The following SKI variants were observed in gnomAD, a reference collection of about 807,000 sequenced individuals.
SKI encodes the protein ski oncogene.
A neutral mutation model predicts 59.3 loss-of-function variants in SKI; 23 were observed. The observed-to-expected ratio is 0.39, with a 90% CI of 0.28 to 0.55. SKI has a LOEUF of 0.55. Ranked by LOEUF, SKI falls within the 20% of genes least tolerant of loss-of-function variation. The pLI is 0.67. For missense variants in SKI, 1,017 were observed against 1,038.9 expected (o/e 0.98, Z 0.29); for synonymous variants, 673 against 488.6 (o/e 1.38, Z -4.98).
intron 1 of SKI, among the ~76,000 whole-genome samples, chr1:2,254,974 G>A (rs2100829352): frequency 6.6e-6 from 1 of 152,296 alleles, no homozygotes; most frequent in African/African-American, 2.4e-5. Context: ...CTGCCCCACA[G>A]TGTCACCTCT....
At chr1:2,282,630 T>C (rs1319976587) in intron 1 of SKI, among the ~76,000 whole-genome samples, 5 of 152,182 alleles carry the variant, frequency 3.3e-5, no homozygotes, top group Non-Finnish European at 5.9e-5. Context: ...TGGAAAGCCT[T>C]GCTTCCCCCA....
chr1:2,233,920 C>T (rs897063045), intron 1 of SKI, among the ~76,000 whole-genome samples: 5 of 152,358 alleles, frequency 3.3e-5, no homozygotes, highest in Non-Finnish European at 2.9e-5. Context: ...CTCTCCCAGA[C>T]ACCCTCAGGT....
chr1:2,245,626 C>T (rs1638976900), intron 1 of SKI, among the ~76,000 whole-genome samples: 1 of 151,920 alleles, frequency 6.6e-6, no homozygotes, highest in African/African-American at 2.4e-5. Flanking sequence ...AAGGCATGTG[C>T]CACCATGCCC....
At chr1:2,289,354 C>T (rs1640112191) in intron 1 of SKI, among the ~76,000 whole-genome samples, 2 of 152,098 alleles carry the variant, frequency 1.3e-5, no homozygotes, top group South Asian at 2.1e-4. Flanking sequence ...CCATTACAGG[C>T]CACCTCTCCT....
intron 1 of SKI, among the ~76,000 whole-genome samples, chr1:2,237,057 CCCCAGGA>C (rs1371475526): frequency 6.6e-6 from 1 of 152,176 alleles, no homozygotes; most frequent in African/African-American, 2.4e-5. Flanking sequence ...GAGGGTTCCA[CCCCAGGA>C]CCCAGGGCAC....
intron 1 of SKI, among the ~76,000 whole-genome samples, chr1:2,246,860 G>GT (rs1491537317): frequency 1.3e-5 from 2 of 150,802 alleles, no homozygotes; most frequent in East Asian, 2.0e-4. Flanking sequence ...TGATGGGGGG[G>GT]GCCTCAGGAA....
At position 2,267,169 on chromosome 1, in the gene SKI, C is replaced by T. The variant is rs1367370409; in HGVS notation, c.970-35809C>T. On this transcript the variant is annotated intron_variant, in intron 1 of 6. Coordinates refer to ENST00000378536, the MANE Select transcript of SKI (RefSeq NM_003036.4). The surrounding 1 kb of genome is among the most constrained non-coding windows in gnomAD (Gnocchi z 4.1). ...TGACTATTCAGGCGAGCAACTGCAT[C>T]GAGCCAGCACTGAACTGGTTTTGTA... Among the ~76,000 whole-genome samples the T allele has an allele frequency of 1.3e-5, 2 of 152,166 alleles. No individual in the cohort carries two copies. The highest frequency in any genetic ancestry group is 2.1e-4 in the South Asian group (1 of 4,824).
Position 2,304,288 on chromosome 1 carries a change from C to T in SKI, c.1475-5C>T, listed in dbSNP as rs1640509294. ...ACTTTGTTTCTGTCTCTGCTTCCTCCTCAGTCACCTCCTCCTTGTCCTCGC... is the reference window on the plus strand; with the variant it reads ...ACTTTGTTTCTGTCTCTGCTTCCTCTTCAGTCACCTCCTCCTTGTCCTCGC... On this transcript the variant is annotated splice_polypyrimidine_tract_variant and splice_region_variant and intron_variant, in intron 4 of 6. Coordinates refer to ENST00000378536, the MANE Select transcript of SKI (RefSeq NM_003036.4). The T allele has an allele frequency of 6.4e-7, 1 of 1,551,594 alleles. No homozygotes were observed. Among genetic ancestry groups the T allele is most frequent in the Non-Finnish European group, 8.7e-7 (1 of 1,146,940 alleles).
chr1:2,265,240 G>A (rs180931805), intron 1 of SKI, among the ~76,000 whole-genome samples: 27 of 152,292 alleles, frequency 1.8e-4, no homozygotes, highest in Admixed American at 6.5e-4. Context: ...TGTCTCCTGC[G>A]TCCCTCCTCT....
intron 1 of SKI, among the ~76,000 whole-genome samples, chr1:2,263,626 A>G (rs1331289121): frequency 2.0e-5 from 3 of 151,866 alleles, no homozygotes; most frequent in Middle Eastern, 3.2e-3. Flanking sequence ...TTTGGTGTTA[A>G]CAGAGTAATG....
intron 1 of SKI, among the ~76,000 whole-genome samples, chr1:2,292,613 G>A (rs1640185295): frequency 6.6e-6 from 1 of 152,238 alleles, no homozygotes; most frequent in Non-Finnish European, 1.5e-5. Context: ...TCTCTGGGCT[G>A]TGGTCATCAC....
intron 1 of SKI, among the ~76,000 whole-genome samples, chr1:2,256,233 C>T (rs939337567): frequency 1.3e-5 from 2 of 151,538 alleles, no homozygotes; most frequent in African/African-American, 4.9e-5. Flanking sequence ...GACCTCATTT[C>T]CTGTCTTGTG....
chr1:2,254,036 GA>G (rs1174403786), intron 1 of SKI, among the ~76,000 whole-genome samples: 2 of 152,246 alleles, frequency 1.3e-5, no homozygotes, highest in African/African-American at 4.8e-5. Context: ...TCAGGCCACG[GA>G]TGCTTGTCCG....
chr1:2,243,251 C>T (rs1313850794), intron 1 of SKI, among the ~76,000 whole-genome samples: 1 of 152,266 alleles, frequency 6.6e-6, no homozygotes, highest in African/African-American at 2.4e-5. Context: ...AGCACAAACA[C>T]ATCACACGGG....
intron 1 of SKI, among the ~76,000 whole-genome samples, chr1:2,296,902 T>C (rs1640300217): frequency 6.6e-6 from 1 of 152,138 alleles, no homozygotes; most frequent in Admixed American, 6.5e-5. Context: ...GGAAATGGTT[T>C]AAGGAGGCCG....
Position 2,308,902 on chromosome 1 carries a change from A to G in SKI, c.*2137A>G, listed in dbSNP as rs774532931. 1.3e-5 allele frequency: 2 copies of G among 152,292 alleles called. No homozygotes were observed. The highest frequency in any genetic ancestry group is 1.3e-4 in the Admixed American group (2 of 15,276). 9.4% of individuals were successfully genotyped at this position (152,292 alleles called of 1,614,324 possible). A position where few individuals can be genotyped will look rare whatever the true frequency, so the allele number is the denominator to read the frequency against. ...GCCTCCACCGCCCCATCTTGCCCCAAACGGAAAGCGCTGTATCTGCAGTGG... is the reference window on the plus strand; with the variant it reads ...GCCTCCACCGCCCCATCTTGCCCCAGACGGAAAGCGCTGTATCTGCAGTGG... On this transcript the variant is annotated 3_prime_UTR_variant, in exon 7 of 7. Transcript: ENST00000378536.
At chr1:2,283,103 G>A (rs549537756) in intron 1 of SKI, among the ~76,000 whole-genome samples, 83 of 152,326 alleles carry the variant, frequency 5.4e-4, no homozygotes, top group African/African-American at 1.9e-3. Context: ...CCATGGCCAG[G>A]GAGGCGCCCC....
intron 1 of SKI, among the ~76,000 whole-genome samples, chr1:2,293,215 C>T (rs1365329381): frequency 6.6e-6 from 1 of 152,200 alleles, no homozygotes; most frequent in Non-Finnish European, 1.5e-5. Flanking sequence ...CACCACAGGG[C>T]TTTTGTTCTG....
chr1:2,296,443 C>T (rs907730098), intron 1 of SKI, among the ~76,000 whole-genome samples: 4 of 152,262 alleles, frequency 2.6e-5, no homozygotes, highest in Admixed American at 1.3e-4. Flanking sequence ...CGTGAGTTGA[C>T]GTCTCCCTGC....
Sources: allele counts gnomAD v4.1 joint callset (sites outside exome capture counted in the v4.1 genomes callset), GRCh38; gene constraint gnomAD v4.1.1; non-coding constraint Gnocchi (gnomAD v3.1); transcripts MANE v1.5; gene names NCBI Gene and HGNC (gene_info 2026-07-23, HGNC 2026-07-21).